The following KCNS3 variants were observed in gnomAD, a reference collection of about 807,000 sequenced individuals.
The protein encoded by KCNS3 is delayed-rectifier potassium channel regulatory subunit KCNS3.
KCNS3 carries 13 observed loss-of-function variants against 31.0 expected under a neutral mutation model. The observed-to-expected ratio is 0.42, with a 90% confidence interval of 0.27 to 0.67. The LOEUF (loss-of-function observed/expected upper bound fraction) is 0.67, where lower values mean the gene tolerates loss of function less well. Among genes scored for constraint, KCNS3 ranks in the 30% least tolerant of loss-of-function variants. KCNS3 has a pLI of 0.25. For synonymous variants in KCNS3, 238 were observed against 241.5 expected, an observed-to-expected ratio of 0.99 and a Z score of 0.13; for missense variants, 545 against 622.4, an observed-to-expected ratio of 0.88 and a Z score of 1.32.
intron 1 of KCNS3, among the ~76,000 whole-genome samples, chr2:17,905,672 G>C (rs1333124501): frequency 1.3e-5 from 2 of 152,074 alleles, no homozygotes; most frequent in South Asian, 2.1e-4. Flanking sequence ...TAGCATGAAG[G>C]GCTGTTGAAT....
At chr2:17,882,085 A>G (rs955136268) in intron 1 of KCNS3, among the ~76,000 whole-genome samples, 12 of 152,208 alleles carry the variant, frequency 7.9e-5, no homozygotes, top group African/African-American at 2.7e-4. Context: ...CCAGTGACCA[A>G]TTCACAAGTG....
At chr2:17,926,489 G>A (rs1662840182) in intron 2 of KCNS3, among the ~76,000 whole-genome samples, 1 of 152,230 alleles carries the variant, frequency 6.6e-6, no homozygotes, top group African/African-American at 2.4e-5. Context: ...GCAAACTTCT[G>A]CCTGGACTTC....
chr2:17,891,385 A>T (rs1191172376), intron 1 of KCNS3, among the ~76,000 whole-genome samples: 1 of 152,218 alleles, frequency 6.6e-6, no homozygotes, highest in Non-Finnish European at 1.5e-5. Flanking sequence ...TAAGTGGAGC[A>T]TTTAGGTCAT....
chr2:17,905,973 G>T (rs931432559), intron 1 of KCNS3, among the ~76,000 whole-genome samples: 1 of 152,076 alleles, frequency 6.6e-6, no homozygotes, highest in Non-Finnish European at 1.5e-5. Flanking sequence ...ATGCTGGCCT[G>T]ATAAGATGAG....
intron 2 of KCNS3, among the ~76,000 whole-genome samples, chr2:17,927,603 G>C (rs918618618): frequency 6.6e-6 from 1 of 152,196 alleles, no homozygotes. Flanking sequence ...CATGGTGGCA[G>C]ATGAGAGATG....
At chr2:17,903,614 C>G (rs1028507285) in intron 1 of KCNS3, among the ~76,000 whole-genome samples, 1 of 151,884 alleles carries the variant, frequency 6.6e-6, no homozygotes, top group Admixed American at 6.6e-5. Flanking sequence ...CCCTTCCCCC[C>G]ACCCCACAAC....
At chr2:17,902,334 CTGTGTGTGTGTGTGTGTGTGTG>C (rs61498649) in intron 1 of KCNS3, among the ~76,000 whole-genome samples, 2 of 149,756 alleles carry the variant, frequency 1.3e-5, no homozygotes, top group African/African-American at 2.5e-5. Flanking sequence ...GGTTGGGAGA[CTGTGTGTGTGTGTGTGTGTGTG>C]TGTGTGTGTG....
chr2:17,919,963 T>C (rs1382838721), intron 2 of KCNS3, among the ~76,000 whole-genome samples: 1 of 152,172 alleles, frequency 6.6e-6, no homozygotes, highest in Non-Finnish European at 1.5e-5. Flanking sequence ...CAATTCTGTT[T>C]ACGTTTGCTT....
rs5829612 is a variant in KCNS3, at chr2:17,893,940, G to GTTTTT, written c.-252+15156_-252+15160dup. On this transcript the variant is annotated intron_variant, in intron 1 of 2. Transcript: ENST00000304101. The stretch of plus-strand genomic sequence containing the variant: ...CCCTCTGCCATGATCCCAGGAGCCA[G>GTTTTT]TTTTTTTTTTTTTTTTTTTTTTTTT... 9.1e-5 allele frequency among the ~76,000 whole-genome samples: 9 copies of GTTTTT among 98,906 alleles called. 1 individual carries two copies. Among genetic ancestry groups the GTTTTT allele is most frequent in the African/African-American group, 3.6e-4 (8 of 22,420 alleles). 64.9% of individuals were successfully genotyped at this position (98,906 alleles called of 152,430 possible). A position where few individuals can be genotyped will look rare whatever the true frequency, so the allele number is the denominator to read the frequency against.
intron 2 of KCNS3, among the ~76,000 whole-genome samples, chr2:17,919,149 G>A (rs542895982): frequency 1.5e-4 from 23 of 152,332 alleles, no homozygotes; most frequent in Admixed American, 5.9e-4. Context: ...GCTTGGAGAT[G>A]AGCTGTGTGA....
At chr2:17,927,697 C>T (rs1474238466) in intron 2 of KCNS3, among the ~76,000 whole-genome samples, 1 of 152,162 alleles carries the variant, frequency 6.6e-6, no homozygotes, top group Non-Finnish European at 1.5e-5. Context: ...GGGGAAACCA[C>T]CCCCATGATC....
chr2:17,892,591 A>C (rs922663296), intron 1 of KCNS3, among the ~76,000 whole-genome samples: 13 of 152,120 alleles, frequency 8.5e-5, no homozygotes, highest in African/African-American at 3.1e-4. Context: ...CTAGGGCTGA[A>C]GGCTGTTGTT....
At chr2:17,892,131 T>G (rs968883148) in intron 1 of KCNS3, among the ~76,000 whole-genome samples, 1 of 152,132 alleles carries the variant, frequency 6.6e-6, no homozygotes, top group Non-Finnish European at 1.5e-5. Context: ...TTTCTTATTC[T>G]TTTTTCTTTG....
At chr2:17,895,700 T>A (rs899641965) in intron 1 of KCNS3, among the ~76,000 whole-genome samples, 2 of 152,044 alleles carry the variant, frequency 1.3e-5, no homozygotes, top group African/African-American at 4.8e-5. Context: ...TAGCATTAGG[T>A]GCGTGTATGA....
In KCNS3 at chr2:17,931,544, C is replaced by G. The variant is rs771246155; in HGVS notation, c.536C>G (p.Ala179Gly). Residue 179 changes from alanine to glycine, a missense_variant, in exon 3 of 3, where the codon GCG (alanine) becomes GGG (glycine). Coordinates refer to ENST00000304101, the MANE Select transcript of KCNS3 (RefSeq NM_002252.5). The surrounding 1 kb of genome is among the most constrained non-coding windows in gnomAD (Gnocchi z 5.4). ...KKIWIRMENP[A>G]YCLSAKLIAI... ...ATCTGGATTAGAATGGAGAATCCAG[C>G]GTACTGCCTGTCCGCTAAGCTTATC... The G allele has an allele frequency of 6.2e-7, 1 of 1,614,170 alleles. No homozygotes were observed.
At chr2:17,923,065 T>C (rs2125251826) in intron 2 of KCNS3, among the ~76,000 whole-genome samples, 1 of 152,290 alleles carries the variant, frequency 6.6e-6, no homozygotes, top group South Asian at 2.1e-4. Context: ...TTGCTTACAA[T>C]GACACACAAG....
chr2:17,881,248 T>C (rs1299564554), intron 1 of KCNS3, among the ~76,000 whole-genome samples: 1 of 152,156 alleles, frequency 6.6e-6, no homozygotes, highest in Non-Finnish European at 1.5e-5. Flanking sequence ...GCAGGGTATG[T>C]TGAAGCAGAG....
At chr2:17,909,444 C>T (rs753124071) in intron 1 of KCNS3, among the ~76,000 whole-genome samples, 24 of 152,144 alleles carry the variant, frequency 1.6e-4, no homozygotes, top group Admixed American at 5.2e-4. Flanking sequence ...GGCTCACACT[C>T]GGTAGGCTGC....
chr2:17,908,494 T>A (rs1384890899), intron 1 of KCNS3, among the ~76,000 whole-genome samples: 4 of 152,264 alleles, frequency 2.6e-5, no homozygotes, highest in African/African-American at 9.6e-5. Context: ...TTTGTTCCGT[T>A]GCTGGCGTGG....
Sources: allele counts gnomAD v4.1 joint callset (sites outside exome capture counted in the v4.1 genomes callset), GRCh38; gene constraint gnomAD v4.1.1; non-coding constraint Gnocchi (gnomAD v3.1); transcripts MANE v1.5; gene names NCBI Gene and HGNC (gene_info 2026-07-23, HGNC 2026-07-21).